The following SDK1 variants were observed in gnomAD, a reference collection of about 807,000 sequenced individuals.
The protein encoded by SDK1 is protein sidekick-1.
Under a neutral mutation model 245.5 loss-of-function variants are expected in SDK1, and 157 were observed. The ratio of observed to expected loss-of-function variants is 0.64; its 90% CI spans 0.56 to 0.73. The LOEUF (loss-of-function observed/expected upper bound fraction) is 0.73, where lower values mean the gene tolerates loss of function less well. SDK1 is among the 30% of genes least tolerant of loss of function. SDK1 has a pLI of 0.00. For synonymous variants in SDK1, 1,647 were observed against 1,278.5 expected (o/e 1.29, Z -6.15); for missense variants, 3,583 against 3,002.3 (o/e 1.19, Z -4.52).
rs187250703 is a variant in SDK1, at chr7:3,884,161, G to A, written c.847+62578G>A. Among the ~76,000 whole-genome samples, 7 of 151,516 alleles carry A rather than the reference G, an allele frequency of 4.6e-5. No homozygotes were observed. In the South Asian group the frequency reaches 8.4e-4, roughly 18 times the overall value. Reference sequence around the variant, plus strand: ...AGTTGCAGAATCATAGCTCGCTGCAGCCTCGACCTCCTGGGCTCAAGCGAT... The same window carrying A: ...AGTTGCAGAATCATAGCTCGCTGCAACCTCGACCTCCTGGGCTCAAGCGAT... On this transcript the variant is annotated intron_variant, in intron 5 of 44. Transcript: ENST00000404826.
intron 5 of SDK1, among the ~76,000 whole-genome samples, chr7:3,848,503 C>G (rs1780336673): frequency 6.6e-6 from 1 of 152,062 alleles, no homozygotes; most frequent in Non-Finnish European, 1.5e-5. Flanking sequence ...GAGCAGGCAG[C>G]TTTCAGAAGG....
intron 4 of SDK1, among the ~76,000 whole-genome samples, chr7:3,754,920 G>A (rs370817325): frequency 1.4e-4 from 22 of 152,272 alleles, no homozygotes; most frequent in African/African-American, 5.1e-4. Flanking sequence ...CGTTTGTTAC[G>A]CCTGGAGTTT....
At chr7:3,624,465 C>T (rs943911710) in intron 2 of SDK1, among the ~76,000 whole-genome samples, 1 of 152,066 alleles carries the variant, frequency 6.6e-6, no homozygotes, top group African/African-American at 2.4e-5. Context: ...TCCCAAAGTA[C>T]TGGGATTACA....
intron 5 of SDK1, among the ~76,000 whole-genome samples, chr7:3,844,763 A>G (rs983111090): frequency 1.3e-5 from 2 of 152,206 alleles, no homozygotes; most frequent in African/African-American, 2.4e-5. Context: ...CCTTGGAGAC[A>G]GAAGTCAGAC....
chr7:4,004,330 T>C (rs1187906443), intron 14 of SDK1, among the ~76,000 whole-genome samples: 2 of 152,218 alleles, frequency 1.3e-5, no homozygotes, highest in Non-Finnish European at 2.9e-5. Flanking sequence ...CAGACTGTTG[T>C]AGCAAAAACA....
intron 35 of SDK1, among the ~76,000 whole-genome samples, chr7:4,182,274 C>G (rs1445292075): frequency 6.6e-6 from 1 of 152,162 alleles, no homozygotes; most frequent in Non-Finnish European, 1.5e-5. Flanking sequence ...CTCAGATTTC[C>G]CCTCTGTGCG....
chr7:3,402,931 C>G (rs914777850), intron 1 of SDK1, among the ~76,000 whole-genome samples: 1 of 151,136 alleles, frequency 6.6e-6, no homozygotes, highest in African/African-American at 2.4e-5. Flanking sequence ...TGAAACATTT[C>G]TATTCCTCTG....
At chr7:3,925,441 C>T (rs982618022) in intron 5 of SDK1, among the ~76,000 whole-genome samples, 3 of 152,196 alleles carry the variant, frequency 2.0e-5, no homozygotes, top group Non-Finnish European at 2.9e-5. Context: ...AGGGCAAAAG[C>T]GACGGCGTTT....
intron 1 of SDK1, among the ~76,000 whole-genome samples, chr7:3,473,479 G>A (rs1347584429): frequency 6.6e-6 from 1 of 152,096 alleles, no homozygotes; most frequent in Non-Finnish European, 1.5e-5. Flanking sequence ...CAAAAGTCTA[G>A]GCTGGTTTAA....
At chr7:3,550,473 C>T (rs1779366361) in intron 1 of SDK1, among the ~76,000 whole-genome samples, 2 of 152,200 alleles carry the variant, frequency 1.3e-5, no homozygotes, top group South Asian at 4.1e-4. Context: ...GTCCCCTTTA[C>T]CTTCAGCTCT....
chr7:4,072,800 G>A (rs1228662362), intron 20 of SDK1, among the ~76,000 whole-genome samples: 2 of 152,190 alleles, frequency 1.3e-5, no homozygotes, highest in African/African-American at 2.4e-5. Flanking sequence ...GGCGCTGTTG[G>A]AAACGTAGGT....
intron 25 of SDK1, among the ~76,000 whole-genome samples, chr7:4,118,448 A>G (rs1485028767): frequency 1.3e-5 from 2 of 152,270 alleles, no homozygotes; most frequent in Non-Finnish European, 2.9e-5. Flanking sequence ...TGGTGGGCAT[A>G]GAGAAATTGG....
intron 4 of SDK1, among the ~76,000 whole-genome samples, chr7:3,645,567 C>T (rs770809948): frequency 6.6e-6 from 1 of 152,080 alleles, no homozygotes; most frequent in Non-Finnish European, 1.5e-5. Flanking sequence ...ATCACATGTA[C>T]CCTGAAACTA....
At chr7:3,603,453 G>A (rs1429260761) in intron 1 of SDK1, among the ~76,000 whole-genome samples, 2 of 151,230 alleles carry the variant, frequency 1.3e-5, no homozygotes, top group African/African-American at 4.9e-5. Context: ...AATTGTGAAT[G>A]GGAGTTCACT....
rs71029682 is a variant in SDK1, at chr7:3,582,683, T to TAAAAAAAAAAAAAAAAAAAAAAAAAA, written c.299-36396_299-36371dup. Among the ~76,000 whole-genome samples, 11 of 69,684 alleles carry TAAAAAAAAAAAAAAAAAAAAAAAAAA rather than the reference T, an allele frequency of 1.6e-4. 1 individual carries two copies. Among genetic ancestry groups the TAAAAAAAAAAAAAAAAAAAAAAAAAA allele is most frequent in the South Asian group, 7.2e-4 (1 of 1,386 alleles). The allele number at this position is 69,684 out of a possible 152,430, so 45.7% of individuals were successfully genotyped here. ...ATGTAGCCCTGAACCTAAACTAAAGTAAAAAAAAAAAAAAAAAAAAAAAAA... is the reference window on the plus strand; with the variant it reads ...ATGTAGCCCTGAACCTAAACTAAAGTAAAAAAAAAAAAAAAAAAAAAAAAAAAAAAAAAAAAAAAAAAAAAAAAAAA... On this transcript the variant is annotated intron_variant, in intron 1 of 44. Coordinates refer to ENST00000404826, the MANE Select transcript of SDK1 (RefSeq NM_152744.4).
intron 18 of SDK1, 148 bp downstream of exon 18, chr7:4,049,611 C>T: frequency 3.2e-6 from 2 of 620,690 alleles, no homozygotes; most frequent in Non-Finnish European, 2.9e-6. Flanking sequence ...ACCATTTATC[C>T]AAAGTCTTGG....
At chr7:3,884,915 A>T (rs190913184) in intron 5 of SDK1, among the ~76,000 whole-genome samples, 27 of 152,294 alleles carry the variant, frequency 1.8e-4, no homozygotes, top group Admixed American at 1.2e-3. Context: ...GGGAGGTGGA[A>T]GCTTATCCCT....
At chr7:4,028,239 A>C (rs145646984) in intron 17 of SDK1, among the ~76,000 whole-genome samples, 1,546 of 152,266 alleles carry the variant, frequency 0.01, 17 homozygotes, top group South Asian at 0.042. Flanking sequence ...ACCCACTCTA[A>C]TTTAGGAACC....
chr7:3,477,028 G>A (rs1001221838), intron 1 of SDK1, among the ~76,000 whole-genome samples: 6 of 152,134 alleles, frequency 3.9e-5, no homozygotes, highest in Admixed American at 3.9e-4. Context: ...GAGAATGGCA[G>A]AGAAATGGAA....
Sources: allele counts gnomAD v4.1 joint callset (sites outside exome capture counted in the v4.1 genomes callset), GRCh38; gene constraint gnomAD v4.1.1; transcripts MANE v1.5; gene names NCBI Gene and HGNC (gene_info 2026-07-23, HGNC 2026-07-21).